The following PDZRN4 variants were observed in gnomAD, a reference collection of about 807,000 sequenced individuals.
PDZRN4 encodes PDZ domain containing ring finger 4.
Under a neutral mutation model 99.0 loss-of-function variants are expected in PDZRN4, and 70 were observed. The observed-to-expected ratio is 0.71, with a 90% CI of 0.58 to 0.86. The LOEUF (loss-of-function observed/expected upper bound fraction) is 0.86, where lower values mean the gene tolerates loss of function less well. Among genes scored for constraint, PDZRN4 ranks in the 40% least tolerant of loss-of-function variants. The pLI is 0.00. For synonymous variants in PDZRN4, 551 were observed against 501.6 expected, an observed-to-expected ratio of 1.10 and a Z score of -1.32; for missense variants, 1,474 against 1,331.2, an observed-to-expected ratio of 1.11 and a Z score of -1.67.
intron 5 of PDZRN4, among the ~76,000 whole-genome samples, chr12:41,513,515 G>A (rs1756063395): frequency 6.6e-6 from 1 of 151,912 alleles, no homozygotes; most frequent in African/African-American, 2.4e-5. Flanking sequence ...TTTTATTTTT[G>A]AGAAAAAATA....
chr12:41,397,787 T>C (rs12299757), intron 3 of PDZRN4, among the ~76,000 whole-genome samples: 7,492 of 152,212 alleles, frequency 0.049, 318 homozygotes, highest in African/African-American at 0.11. Flanking sequence ...TAATAATACT[T>C]TTATTAGAAA....
intron 3 of PDZRN4, among the ~76,000 whole-genome samples, chr12:41,381,945 A>T (rs1183653102): frequency 6.6e-6 from 1 of 152,134 alleles, no homozygotes; most frequent in Non-Finnish European, 1.5e-5. Flanking sequence ...GGTAGGGCTA[A>T]CTGTCAAGAT....
intron 3 of PDZRN4, among the ~76,000 whole-genome samples, chr12:41,448,406 G>A (rs763746535): frequency 3.3e-5 from 5 of 152,036 alleles, no homozygotes. Context: ...TGCCACTTAC[G>A]GAGTTTTCAC....
Position 41,190,208 on chromosome 12 carries a change from G to T in PDZRN4, c.648+1105G>T, listed in dbSNP as rs113137824. Among the ~76,000 whole-genome samples the T allele has an allele frequency of 1.2e-3, 179 of 152,298 alleles. 1 individual carries two copies. The highest frequency in any genetic ancestry group is 2.0e-3 in the Non-Finnish European group (134 of 68,024). On this transcript the variant is annotated intron_variant, in intron 1 of 9. Transcript: ENST00000402685. ...TAACTCAGGCACTGAGTTTAGAAGC[G>T]CCCGTCTTGAACGTAAAAGAGAAAA... is the stretch of plus-strand genomic sequence containing the variant.
intron 5 of PDZRN4, among the ~76,000 whole-genome samples, chr12:41,526,074 G>T (rs1938563337): frequency 6.6e-6 from 1 of 152,108 alleles, no homozygotes; most frequent in South Asian, 2.1e-4. Context: ...TGGTGTACTT[G>T]GCCATTGCAT....
chr12:41,244,514 A>G (rs1476197793), intron 3 of PDZRN4, among the ~76,000 whole-genome samples: 2 of 151,798 alleles, frequency 1.3e-5, no homozygotes, highest in Admixed American at 1.3e-4. Context: ...TGCATCTCTG[A>G]CCCTACCTTC....
intron 3 of PDZRN4, among the ~76,000 whole-genome samples, chr12:41,242,723 A>G (rs553187545): frequency 6.6e-6 from 1 of 152,128 alleles, no homozygotes; most frequent in Non-Finnish European, 1.5e-5. Context: ...TTCTTGCTTC[A>G]CCCAAAATGT....
chr12:41,232,424 G>A (rs925652392), intron 3 of PDZRN4, among the ~76,000 whole-genome samples: 8 of 152,022 alleles, frequency 5.3e-5, no homozygotes, highest in East Asian at 1.9e-4. Context: ...ATCTGTAAGC[G>A]GGTGTTCATC....
chr12:41,554,946 C>T (rs751781474), intron 6 of PDZRN4, among the ~76,000 whole-genome samples: 51 of 151,132 alleles, frequency 3.4e-4, no homozygotes, highest in African/African-American at 6.6e-4. Context: ...CGGTGGCTCA[C>T]GCCTGTAATC....
chr12:41,193,989 G>A (rs1950753919), intron 2 of PDZRN4, 92 bp from the exon 3 acceptor site: 2 of 660,398 alleles, frequency 3.0e-6, no homozygotes, highest in South Asian at 1.7e-5. Flanking sequence ...CAGGTTTACA[G>A]AGGATTGGTA....
intron 3 of PDZRN4, among the ~76,000 whole-genome samples, chr12:41,373,686 T>TC (rs199710737): frequency 0.022 from 3,351 of 152,198 alleles, 52 homozygotes; most frequent in Non-Finnish European, 0.035. Flanking sequence ...AATGCAGTCA[T>TC]CACAGGGTCC....
At chr12:41,322,695 A>G (rs1405210343) in intron 3 of PDZRN4, among the ~76,000 whole-genome samples, 1 of 151,320 alleles carries the variant, frequency 6.6e-6, no homozygotes, top group Non-Finnish European at 1.5e-5. Context: ...ACAGGTTTTC[A>G]CCATGTTAGC....
intron 3 of PDZRN4, among the ~76,000 whole-genome samples, chr12:41,394,304 G>A (rs1446160437): frequency 6.6e-6 from 1 of 152,114 alleles, no homozygotes; most frequent in Non-Finnish European, 1.5e-5. Context: ...AATCTTGGGA[G>A]GATACTTATA....
intron 3 of PDZRN4, among the ~76,000 whole-genome samples, chr12:41,257,042 G>T (rs1222537633): frequency 6.6e-6 from 1 of 152,022 alleles, no homozygotes; most frequent in East Asian, 1.9e-4. Flanking sequence ...TTATCACCTG[G>T]ACTGTGCCTC....
intron 5 of PDZRN4, among the ~76,000 whole-genome samples, chr12:41,530,753 G>A (rs963517664): frequency 6.6e-6 from 1 of 152,086 alleles, no homozygotes; most frequent in Non-Finnish European, 1.5e-5. Flanking sequence ...ACACTGGGTG[G>A]GCATGATCGG....
intron 3 of PDZRN4, among the ~76,000 whole-genome samples, chr12:41,286,198 G>A (rs1048214791): frequency 1.3e-5 from 2 of 151,276 alleles, no homozygotes; most frequent in African/African-American, 4.9e-5. Flanking sequence ...TAAGTATGCT[G>A]GTATATTAAA....
chr12:41,529,371 T>C (rs1435402164), intron 5 of PDZRN4, among the ~76,000 whole-genome samples: 2 of 152,192 alleles, frequency 1.3e-5, no homozygotes, highest in Non-Finnish European at 2.9e-5. Context: ...CTAGATGAGA[T>C]ATTGAGTTAA....
intron 3 of PDZRN4, among the ~76,000 whole-genome samples, chr12:41,285,807 C>A (rs1466926559): frequency 6.6e-6 from 1 of 151,262 alleles, no homozygotes; most frequent in Non-Finnish European, 1.5e-5. Flanking sequence ...ACAATGAGAA[C>A]ATATGGGCAC....
intron 3 of PDZRN4, among the ~76,000 whole-genome samples, chr12:41,442,867 G>T (rs1244495630): frequency 1.3e-5 from 2 of 152,062 alleles, no homozygotes; most frequent in African/African-American, 4.8e-5. Context: ...AATGAGAAAG[G>T]CTAAGAAATA....
Sources: allele counts gnomAD v4.1 joint callset (sites outside exome capture counted in the v4.1 genomes callset), GRCh38; gene constraint gnomAD v4.1.1; transcripts MANE v1.5; gene names NCBI Gene and HGNC (gene_info 2026-07-23, HGNC 2026-07-21).